SLC22A24: variants seen among roughly 807,000 people sequenced by gnomAD.
The protein encoded by SLC22A24 is solute carrier family 22 member 24, also known as steroid transmembrane transporter SLC22A24.
In SLC22A24, 53 loss-of-function variants were observed where a neutral mutation model predicts 49.8. The ratio of observed to expected loss-of-function variants is 1.06; its 90% CI spans 0.85 to 1.34. SLC22A24 has a LOEUF of 1.34. SLC22A24 is among the 40% of genes most tolerant of loss of function. SLC22A24 has a pLI of 0.00. For missense variants in SLC22A24, 786 were observed against 675.9 expected (o/e 1.16, Z -1.81); for synonymous variants, 302 against 256.4 (o/e 1.18, Z -1.70).
chr11:63,087,024 G>GCACGCACACACA (rs1555045312), intron 6 of SLC22A24, among the ~76,000 whole-genome samples: 2 of 132,556 alleles, frequency 1.5e-5, no homozygotes, highest in African/African-American at 5.8e-5. Flanking sequence ...CCTGGAGGGC[G>GCACGCACACACA]CACACACACA....
intron 4 of SLC22A24, among the ~76,000 whole-genome samples, chr11:63,108,750 T>C (rs1407596170): frequency 6.6e-6 from 1 of 152,154 alleles, no homozygotes; most frequent in African/African-American, 2.4e-5. Flanking sequence ...CTGATGGTAG[T>C]ATGCATTTCT....
rs554854763 is a variant in SLC22A24 at position 63,095,996 on chromosome 11, A to C, written c.1065T>G (p.Phe355Leu). Residue 355 changes from phenylalanine (F) to leucine (L), a missense_variant, in exon 6 of 10, where the codon TTT becomes TTG. Coordinates refer to ENST00000612278, the MANE Select transcript of SLC22A24 (RefSeq NM_001136506.2). ...KLRMRVFGLC[F>L]VRFAITVPFY... Reference sequence around the variant, plus strand: ...CATCACCAAATGGAACTTACCTCACAAAGCACAGGCCGAAGACTCTCATTC... The same window carrying C: ...CATCACCAAATGGAACTTACCTCACCAAGCACAGGCCGAAGACTCTCATTC... 163 of 1,548,862 alleles carry C rather than the reference A, an allele frequency of 1.1e-4. 1 individual carries two copies. In the Middle Eastern group the frequency reaches 3.0e-3, roughly 29 times the overall value.
chr11:63,094,836 T>C (rs1450959132), intron 6 of SLC22A24, among the ~76,000 whole-genome samples: 2 of 152,232 alleles, frequency 1.3e-5, no homozygotes, highest in African/African-American at 4.8e-5. Context: ...TTGTTTGTTT[T>C]TTTCTTGTAA....
intron 6 of SLC22A24, among the ~76,000 whole-genome samples, chr11:63,095,186 T>C (rs1285389568): frequency 6.6e-6 from 1 of 152,156 alleles, no homozygotes; most frequent in Non-Finnish European, 1.5e-5. Flanking sequence ...AGTTTCAGCT[T>C]TCTACATATG....
rs1454291710 is a variant in SLC22A24, at chr11:63,143,570, A to G, written c.210T>C (p.Asp70=). The stretch of plus-strand genomic sequence containing the variant: ...GTGGGATGGAGATTCTCAGGAGGTC[A>G]TCCTTGCTGAGGGTCCCGGTATCAT... The part of the protein sequence containing the change: ...SDNDTGTLSK[D]DLLRISIPLD... The change falls in exon 1 of 10, where the codon GAT becomes GAC. Residue 70 remains aspartate, a synonymous_variant. Transcript: ENST00000612278. 3.8e-6 allele frequency: 6 copies of G among 1,570,198 alleles called. No individual in the cohort carries two copies. In the African/African-American group the frequency reaches 8.2e-5, roughly 21 times the overall value.
chr11:63,120,394 G>A (rs985332990), intron 2 of SLC22A24, among the ~76,000 whole-genome samples: 17 of 151,430 alleles, frequency 1.1e-4, no homozygotes, highest in Non-Finnish European at 2.4e-4. Context: ...CATGGCACAT[G>A]TATACGTATG....
At chr11:63,131,731 C>T (rs984411462) in intron 2 of SLC22A24, among the ~76,000 whole-genome samples, 1 of 152,076 alleles carries the variant, frequency 6.6e-6, no homozygotes, top group Non-Finnish European at 1.5e-5. Context: ...TCGTTTCTAC[C>T]TTGGTGAATC....
At chr11:63,130,762 A>G (rs1246821224) in intron 2 of SLC22A24, among the ~76,000 whole-genome samples, 5 of 152,154 alleles carry the variant, frequency 3.3e-5, no homozygotes. Context: ...TTATTTGTAT[A>G]GAGGTGTTTA....
chr11:63,126,993 T>A (rs1383862380), intron 2 of SLC22A24, among the ~76,000 whole-genome samples: 2 of 152,182 alleles, frequency 1.3e-5, no homozygotes, highest in Non-Finnish European at 2.9e-5. Context: ...TTTTTAAAAA[T>A]TATACTTTAA....
intron 4 of SLC22A24, among the ~76,000 whole-genome samples, chr11:63,117,669 A>T (rs1369059429): frequency 6.6e-6 from 1 of 152,152 alleles, no homozygotes; most frequent in African/African-American, 2.4e-5. Context: ...TAGTAAATAC[A>T]TTTTCTCTTC....
intron 2 of SLC22A24, among the ~76,000 whole-genome samples, chr11:63,132,258 C>A (rs1330561055): frequency 1.3e-5 from 2 of 152,112 alleles, no homozygotes; most frequent in African/African-American, 4.8e-5. Context: ...TTTGTTATTA[C>A]CAACCTTCTG....
rs1028539389 is a variant in SLC22A24 at position 63,094,437 on chromosome 11, A to G, written c.1070+1554T>C. Among the ~76,000 whole-genome samples, 6 of 152,256 alleles carry G rather than the reference A, an allele frequency of 3.9e-5. 1 individual carries two copies. Among genetic ancestry groups the G allele is most frequent in the Admixed American group, 3.9e-4 (6 of 15,292 alleles). On this transcript the variant is annotated intron_variant, in intron 6 of 9. Transcript: ENST00000612278. The stretch of plus-strand genomic sequence containing the variant: ...GCTATTGTGAATAGTGCCACAATAA[A>G]CATACATGTGCATGTGTCATTATAG...
intron 8 of SLC22A24, 41 bp from the exon 9 acceptor site, chr11:63,081,164 C>A (rs929387676): frequency 4.4e-5 from 65 of 1,470,944 alleles, no homozygotes; most frequent in Non-Finnish European, 5.6e-5. Context: ...TTGTATGAAT[C>A]TGTACATGTC....
At chr11:63,086,126 G>A (rs2086985763) in intron 6 of SLC22A24, among the ~76,000 whole-genome samples, 1 of 152,182 alleles carries the variant, frequency 6.6e-6, no homozygotes, top group African/African-American at 2.4e-5. Context: ...AAAGCAGTAT[G>A]GTGATTCCTC....
At position 63,083,918 on chromosome 11, in the gene SLC22A24, G is replaced by A. The variant is rs141587107; in HGVS notation, c.1071-461C>T. On this transcript the variant is annotated intron_variant, in intron 6 of 9. Coordinates refer to ENST00000612278, the MANE Select transcript of SLC22A24 (RefSeq NM_001136506.2). ...GTGTGAGTCAAACTTCTCTGCTCCC[G>A]TTCAGAGACCTTCTTTACCTTAGTC... Among the ~76,000 whole-genome samples, 575 of 152,162 alleles carry A rather than the reference G, an allele frequency of 3.8e-3. 3 individuals carry two copies. The highest frequency in any genetic ancestry group is 0.013 in the African/African-American group (544 of 41,536).
At chr11:63,116,303 C>G (rs190289302) in intron 4 of SLC22A24, 1 of 240,836 alleles carries the variant, frequency 4.2e-6, no homozygotes, top group Non-Finnish European at 8.2e-6. Flanking sequence ...ATTTTTCGGA[C>G]TGGTTGTGTT....
rs1270113888 is a variant in SLC22A24, at chr11:63,104,100, A to G, written c.954+75T>C. The G allele has an allele frequency of 2.7e-6, 4 of 1,487,822 alleles. No homozygotes were observed. The Admixed American group carries it at 8.1e-5, about 30-fold the overall frequency. 92.2% of individuals were successfully genotyped at this position (1,487,822 alleles called of 1,614,324 possible). A position where few individuals can be genotyped will look rare whatever the true frequency, so the allele number is the denominator to read the frequency against. On this transcript the variant is annotated intron_variant, in intron 5 of 9. Transcript: ENST00000612278. ...CACAGAAGTCTAATTCTGTCACTCC[A>G]GGAACCTAGACTAGTATGATTGTGA...
intron 1 of SLC22A24, among the ~76,000 whole-genome samples, chr11:63,141,016 A>G (rs183284155): frequency 6.6e-6 from 1 of 152,256 alleles, no homozygotes; most frequent in Non-Finnish European, 1.5e-5. Flanking sequence ...ATAGGTTAGA[A>G]CACTAATCAT....
intron 1 of SLC22A24, among the ~76,000 whole-genome samples, chr11:63,141,871 T>C (rs562369865): frequency 6.6e-6 from 1 of 152,328 alleles, no homozygotes; most frequent in African/African-American, 2.4e-5. Flanking sequence ...TCATAATTTG[T>C]TTTTAATAAA....
Sources: allele counts gnomAD v4.1 joint callset (sites outside exome capture counted in the v4.1 genomes callset), GRCh38; gene constraint gnomAD v4.1.1; transcripts MANE v1.5; gene names NCBI Gene and HGNC (gene_info 2026-07-23, HGNC 2026-07-21).